Variants in BTRC observed in about 807,000 individuals in gnomAD.
BTRC encodes the protein F-box/WD repeat-containing protein 1A.
A neutral mutation model predicts 85.5 loss-of-function variants in BTRC; 42 were observed. The observed-to-expected ratio is 0.49, with a 90% CI of 0.38 to 0.64. The LOEUF (loss-of-function observed/expected upper bound fraction) is 0.64, where lower values mean the gene tolerates loss of function less well. Among genes scored for constraint, BTRC ranks in the 30% least tolerant of loss-of-function variants. BTRC has a pLI of 0.00. For missense variants in BTRC, 594 were observed against 743.5 expected, an observed-to-expected ratio of 0.80 and a Z score of 2.34; for synonymous variants, 255 against 263.3, an observed-to-expected ratio of 0.97 and a Z score of 0.30.
At chr10:101,398,691 G>A (rs2133995798) in intron 1 of BTRC, among the ~76,000 whole-genome samples, 1 of 152,234 alleles carries the variant, frequency 6.6e-6, no homozygotes, top group South Asian at 2.1e-4. Context: ...ATCATCCTTT[G>A]CCCTTTAGTG....
At chr10:101,473,890 G>A (rs969168611) in intron 3 of BTRC, among the ~76,000 whole-genome samples, 16 of 152,106 alleles carry the variant, frequency 1.1e-4, no homozygotes, top group Admixed American at 5.2e-4. Flanking sequence ...GAGCCACCAT[G>A]CGCAGCCTGA....
At chr10:101,448,405 G>T (rs900258624) in intron 2 of BTRC, among the ~76,000 whole-genome samples, 1 of 151,966 alleles carries the variant, frequency 6.6e-6, no homozygotes, top group Admixed American at 6.6e-5. Context: ...AATTACCCCT[G>T]GTAGAACTCC....
At chr10:101,401,517 C>G (rs1943490961) in intron 1 of BTRC, among the ~76,000 whole-genome samples, 1 of 152,076 alleles carries the variant, frequency 6.6e-6, no homozygotes, top group Admixed American at 6.5e-5. Flanking sequence ...TGATGCCCTG[C>G]TGTCTTCTGA....
chr10:101,354,871 G>A (rs1176900117), intron 1 of BTRC, among the ~76,000 whole-genome samples: 2 of 152,186 alleles, frequency 1.3e-5, no homozygotes, highest in African/African-American at 2.4e-5. Flanking sequence ...CACTAAAGAA[G>A]ATAAGGACTG....
chr10:101,479,569 A>G (rs1382609022), intron 4 of BTRC, 112 bp downstream of exon 4: 1 of 739,742 alleles, frequency 1.4e-6, no homozygotes, highest in Non-Finnish European at 2.1e-6. Context: ...TATAGTTAAG[A>G]AAAAAATACA....
At chr10:101,541,806 T>C (rs2062473243) in intron 13 of BTRC, among the ~76,000 whole-genome samples, 1 of 152,226 alleles carries the variant, frequency 6.6e-6, no homozygotes, top group African/African-American at 2.4e-5. Context: ...TAATTCTTTT[T>C]ATGTGTTGTT....
intron 2 of BTRC, among the ~76,000 whole-genome samples, chr10:101,442,354 A>G (rs972635390): frequency 4.7e-5 from 7 of 149,732 alleles, no homozygotes; most frequent in Admixed American, 1.3e-4. Flanking sequence ...GGGAGAGACT[A>G]TGAGAGACAT....
At chr10:101,444,368 A>G (rs1944768713) in intron 2 of BTRC, among the ~76,000 whole-genome samples, 1 of 152,208 alleles carries the variant, frequency 6.6e-6, no homozygotes, top group South Asian at 2.1e-4. Context: ...TACTGAGGCT[A>G]TAACTGAGAA....
intron 12 of BTRC, among the ~76,000 whole-genome samples, chr10:101,537,566 CTCTTA>C (rs1487135237): frequency 1.3e-5 from 2 of 152,220 alleles, no homozygotes. Flanking sequence ...TTAGGAAGAA[CTCTTA>C]TCATTTCTTT....
chr10:101,495,512 A>G (rs926580260), intron 4 of BTRC, among the ~76,000 whole-genome samples: 2 of 152,200 alleles, frequency 1.3e-5, no homozygotes, highest in Admixed American at 1.3e-4. Flanking sequence ...GTGTTTCCTT[A>G]GTTAAAAGTG....
chr10:101,527,797 C>CAT (rs1244367643), intron 6 of BTRC, among the ~76,000 whole-genome samples: 3 of 145,122 alleles, frequency 2.1e-5, no homozygotes, highest in Non-Finnish European at 4.5e-5. Context: ...CTCTCACATA[C>CAT]ACACACACAC....
chr10:101,393,550 C>T (rs773730872), intron 1 of BTRC, among the ~76,000 whole-genome samples: 1 of 152,140 alleles, frequency 6.6e-6, no homozygotes, highest in African/African-American at 2.4e-5. Flanking sequence ...ATTCATCAGT[C>T]CTGTCAAAGT....
chr10:101,450,728 GC>G (rs1415269738), intron 2 of BTRC, among the ~76,000 whole-genome samples: 2 of 152,044 alleles, frequency 1.3e-5, no homozygotes, highest in Non-Finnish European at 2.9e-5. Context: ...TATATTGGCT[GC>G]CCCCCAGGAC....
At chr10:101,508,820 A>AGGAGAATGGCGTGAACCCAGGAGGC (rs943329214) in intron 4 of BTRC, among the ~76,000 whole-genome samples, 5 of 150,124 alleles carry the variant, frequency 3.3e-5, no homozygotes, top group Non-Finnish European at 7.4e-5. Context: ...AGGCTGAGGC[A>AGGAGAATGGCGTGAACCCAGGAGGC]GGAGAATGGC....
intron 4 of BTRC, among the ~76,000 whole-genome samples, chr10:101,502,877 G>A (rs971430682): frequency 8.5e-5 from 13 of 152,132 alleles, no homozygotes; most frequent in African/African-American, 2.2e-4. Flanking sequence ...TTTAAATATA[G>A]TGAAGCATTA....
chr10:101,359,099 A>C (rs1017730503), intron 1 of BTRC, among the ~76,000 whole-genome samples: 2 of 152,192 alleles, frequency 1.3e-5, no homozygotes, highest in Admixed American at 1.3e-4. Flanking sequence ...GACTTCCCTT[A>C]ATGATGTCAC....
rs764369310 is a variant in BTRC, at chr10:101,535,465, A to T, written c.1459A>T (p.Thr487Ser). 3.8e-5 allele frequency: 61 copies of T among 1,607,854 alleles called. No homozygotes were observed. Among genetic ancestry groups the T allele is most frequent in the Non-Finnish European group, 5.1e-5 (60 of 1,175,080 alleles). Residue 487 changes from threonine to serine, a missense_variant, in exon 11 of 15, where the codon ACT (threonine) becomes TCT (serine). Coordinates refer to ENST00000370187, the MANE Select transcript of BTRC (RefSeq NM_033637.4). Reference protein sequence around the residue: ...RLVVSGSSDNTIRLWDIECGA... With the variant: ...RLVVSGSSDNSIRLWDIECGA... ...GGTAGTGAGTGGCTCATCTGACAAC[A>T]CTATCAGGTGAGCAGCAAGTGCCTT...
chr10:101,547,328 CTTTTTTTTTTTT>C (rs71016332), intron 13 of BTRC, among the ~76,000 whole-genome samples: 3 of 79,636 alleles, frequency 3.8e-5, no homozygotes, highest in Non-Finnish European at 4.9e-5. Flanking sequence ...TATGGTTTTT[CTTTTTTTTTTTT>C]TTTTTTTTTT....
chr10:101,415,033 C>G (rs1162408444), intron 1 of BTRC, among the ~76,000 whole-genome samples: 1 of 128,864 alleles, frequency 7.8e-6, no homozygotes, highest in Non-Finnish European at 1.5e-5. Context: ...GCCATCTTAA[C>G]CATTATAAAG....
Sources: gnomAD v4.1 joint callset for allele counts (sites outside exome capture counted in the v4.1 genomes callset) on GRCh38, gnomAD v4.1.1 for gene constraint, MANE v1.5 for transcripts, NCBI Gene and HGNC (gene_info 2026-07-23, HGNC 2026-07-21) for gene names.